Variants in PLCB1 observed in about 807,000 individuals in gnomAD.
PLCB1 encodes the protein 1-phosphatidylinositol 4,5-bisphosphate phosphodiesterase beta-1.
A neutral mutation model predicts 161.8 loss-of-function variants in PLCB1; 46 were observed. The observed-to-expected ratio is 0.28, with a 90% CI of 0.22 to 0.36. The LOEUF is 0.36. PLCB1 is among the 10% of genes least tolerant of loss of function. PLCB1 has a pLI of 1.00. For synonymous variants in PLCB1, 517 were observed against 503.7 expected (o/e 1.03, Z -0.35); for missense variants, 1,016 against 1,472.5 (o/e 0.69, Z 5.07).
intron 2 of PLCB1, among the ~76,000 whole-genome samples, chr20:8,197,505 G>C (rs2052038275): frequency 6.6e-6 from 1 of 152,064 alleles, no homozygotes; most frequent in Admixed American, 6.6e-5. Flanking sequence ...TTGTTGATGG[G>C]GTTGTTTTTT....
chr20:8,333,082 A>G (rs1215552431), intron 2 of PLCB1, among the ~76,000 whole-genome samples: 1 of 152,154 alleles, frequency 6.6e-6, no homozygotes, highest in Non-Finnish European at 1.5e-5. Flanking sequence ...GATGTGTGTC[A>G]CTTCCAGGAT....
At chr20:8,801,296 G>T (rs931163367) in intron 31 of PLCB1, among the ~76,000 whole-genome samples, 2 of 151,988 alleles carry the variant, frequency 1.3e-5, no homozygotes, top group African/African-American at 4.8e-5. Flanking sequence ...GGCTTTCCAT[G>T]ACCACTTTAT....
intron 31 of PLCB1, among the ~76,000 whole-genome samples, chr20:8,821,582 A>G (rs1985424340): frequency 7.3e-6 from 1 of 136,172 alleles, no homozygotes; most frequent in African/African-American, 2.6e-5. Flanking sequence ...TTAAAAATGG[A>G]GGGAGGAGAG....
At chr20:8,841,890 G>A (rs925317066) in intron 31 of PLCB1, among the ~76,000 whole-genome samples, 1 of 152,134 alleles carries the variant, frequency 6.6e-6, no homozygotes, top group Non-Finnish European at 1.5e-5. Context: ...TTGTTTGCAG[G>A]GGCCTTAATT....
intron 3 of PLCB1, among the ~76,000 whole-genome samples, chr20:8,538,938 C>T (rs576379469): frequency 8.6e-5 from 13 of 151,920 alleles, no homozygotes; most frequent in African/African-American, 2.9e-4. Context: ...GGATTACAGG[C>T]GCCTGCCACC....
chr20:8,820,452 C>A (rs1406454313), intron 31 of PLCB1, among the ~76,000 whole-genome samples: 1 of 152,030 alleles, frequency 6.6e-6, no homozygotes, highest in Non-Finnish European at 1.5e-5. Context: ...TGCCTTCAGA[C>A]AGGCAAATTT....
chr20:8,206,752 A>T (rs1165894457), intron 2 of PLCB1, among the ~76,000 whole-genome samples: 1 of 152,058 alleles, frequency 6.6e-6, no homozygotes, highest in Non-Finnish European at 1.5e-5. Flanking sequence ...ATGCACAAAG[A>T]TAGTCATTAT....
rs577373753 is a variant in PLCB1 at position 8,382,375 on chromosome 20, C to T, written c.246+10925C>T. 1.5e-4 allele frequency among the ~76,000 whole-genome samples: 22 copies of T among 150,580 alleles called. No homozygotes were observed. The South Asian group carries it at 1.7e-3, about 12-fold the overall frequency. ...TCGGCTCTCTGCAAGCTCCGCCTCC[C>T]GGGTTCACGCCATTCTCCTCCCTCA... On this transcript the variant is annotated intron_variant, in intron 3 of 31. Coordinates refer to ENST00000338037, the MANE Select transcript of PLCB1 (RefSeq NM_015192.4).
At chr20:8,698,272 C>T (rs1466322682) in intron 11 of PLCB1, among the ~76,000 whole-genome samples, 1 of 152,092 alleles carries the variant, frequency 6.6e-6, no homozygotes, top group Non-Finnish European at 1.5e-5. Flanking sequence ...TACAGTGGTC[C>T]CTACTTTGCG....
chr20:8,710,109 G>C (rs1210293014), intron 12 of PLCB1, among the ~76,000 whole-genome samples: 2 of 152,172 alleles, frequency 1.3e-5, no homozygotes, highest in Admixed American at 6.5e-5. Flanking sequence ...ATGAAGAAAA[G>C]AGGTTTAATT....
At chr20:8,468,794 C>A (rs1259707080) in intron 3 of PLCB1, among the ~76,000 whole-genome samples, 1 of 152,170 alleles carries the variant, frequency 6.6e-6, no homozygotes, top group Non-Finnish European at 1.5e-5. Flanking sequence ...TAATTATTCA[C>A]AACAGTGCTA....
chr20:8,423,122 T>C (rs1326751145), intron 3 of PLCB1, among the ~76,000 whole-genome samples: 2 of 152,164 alleles, frequency 1.3e-5, no homozygotes, highest in Non-Finnish European at 2.9e-5. Flanking sequence ...ACAGCACTTA[T>C]CCTTCTTTAA....
At chr20:8,699,794 A>G (rs963366316) in intron 11 of PLCB1, among the ~76,000 whole-genome samples, 11 of 152,240 alleles carry the variant, frequency 7.2e-5, no homozygotes, top group Non-Finnish European at 1.6e-4. Flanking sequence ...ACGACTTTTC[A>G]TTTATGCAAC....
At chr20:8,137,967 G>A (rs1253175448) in intron 1 of PLCB1, among the ~76,000 whole-genome samples, 1 of 152,216 alleles carries the variant, frequency 6.6e-6, no homozygotes. Flanking sequence ...CATTGATTGG[G>A]TTCTTGTCTG....
At chr20:8,798,081 C>T (rs1984113429) in intron 31 of PLCB1, among the ~76,000 whole-genome samples, 1 of 152,002 alleles carries the variant, frequency 6.6e-6, no homozygotes, top group Non-Finnish European at 1.5e-5. Context: ...CCTGTAATCC[C>T]AGCTACCCTG....
At chr20:8,148,340 T>C (rs2051475504) in intron 1 of PLCB1, among the ~76,000 whole-genome samples, 1 of 123,654 alleles carries the variant, frequency 8.1e-6, no homozygotes, top group Non-Finnish European at 1.8e-5. Context: ...CATTATAATA[T>C]CGTTTATTTC....
At chr20:8,689,970 T>TTTTTTTTTTTTTTTTGAGACGGAGTCTC (rs1555783592) in intron 10 of PLCB1, among the ~76,000 whole-genome samples, 1 of 140,294 alleles carries the variant, frequency 7.1e-6, no homozygotes, top group Admixed American at 7.3e-5. Context: ...TCCAAATTTC[T>TTTTTTTTTTTTTTTTGAGACGGAGTCTC]GTACAATGGT....
intron 2 of PLCB1, among the ~76,000 whole-genome samples, chr20:8,286,890 C>G (rs1274575001): frequency 6.6e-6 from 1 of 152,108 alleles, no homozygotes; most frequent in Non-Finnish European, 1.5e-5. Flanking sequence ...TTGGCCTGGA[C>G]AGGGTGAAAA....
At chr20:8,806,343 A>G (rs552159106) in intron 31 of PLCB1, among the ~76,000 whole-genome samples, 2 of 152,194 alleles carry the variant, frequency 1.3e-5, no homozygotes, top group South Asian at 4.1e-4. Context: ...AGTTGGGTTA[A>G]GATAATTTTG....
Sources: allele counts gnomAD v4.1 joint callset (sites outside exome capture counted in the v4.1 genomes callset), GRCh38; gene constraint gnomAD v4.1.1; transcripts MANE v1.5; gene names NCBI Gene and HGNC (gene_info 2026-07-23, HGNC 2026-07-21).